ARID2: variants seen among roughly 807,000 people sequenced by gnomAD.
The protein encoded by ARID2 is AT-rich interaction domain 2, also known as AT-rich interactive domain-containing protein 2.
A neutral mutation model predicts 184.6 loss-of-function variants in ARID2; 32 were observed. The ratio of observed to expected loss-of-function variants is 0.17; its 90% confidence interval spans 0.13 to 0.23. The LOEUF (loss-of-function observed/expected upper bound fraction) is 0.23, where lower values mean the gene tolerates loss of function less well. ARID2 is among the 10% of genes least tolerant of loss of function. The probability of loss-of-function intolerance (pLI) is 1.00; values close to 1 mark genes in which losing one functional copy is unlikely to be tolerated. For missense variants in ARID2, 1,696 were observed against 2,197.6 expected, an observed-to-expected ratio of 0.77 and a Z score of 4.56; for synonymous variants, 836 against 772.6, an observed-to-expected ratio of 1.08 and a Z score of -1.36.
At chr12:45,857,196 C>T (rs1416700738) in intron 15 of ARID2, among the ~76,000 whole-genome samples, 3 of 152,066 alleles carry the variant, frequency 2.0e-5, no homozygotes, top group Non-Finnish European at 4.4e-5. Flanking sequence ...AGATATTTAA[C>T]ATATGCCTCG....
At chr12:45,799,854 T>C (rs957691290) in intron 3 of ARID2, among the ~76,000 whole-genome samples, 2 of 152,012 alleles carry the variant, frequency 1.3e-5, no homozygotes, top group African/African-American at 4.8e-5. Context: ...TTTTATTTTC[T>C]TTTTTTTCCC....
chr12:45,775,727 A>G (rs1291008013), intron 3 of ARID2, among the ~76,000 whole-genome samples: 2 of 152,236 alleles, frequency 1.3e-5, no homozygotes, highest in Non-Finnish European at 2.9e-5. Flanking sequence ...ATAAAGGCAT[A>G]CTGTGTTAAT....
rs764184768 is a variant in ARID2 at position 45,852,356 on chromosome 12, A to G, written c.4233A>G (p.Gln1411=). ...AGCAAGATACTGCCAAAGGTGATCA[A>G]CTAGAAAGAATTTCTAATGGACCTG... ...ITQQDTAKGD[Q]LERISNGPVL... The change falls in exon 15 of 21, where the codon CAA becomes CAG. Residue 1411 remains glutamine, a synonymous_variant. Transcript: ENST00000334344. The G allele has an allele frequency of 1.9e-6, 3 of 1,614,204 alleles. No homozygotes were observed. Among genetic ancestry groups the G allele is most frequent in the East Asian group, 2.2e-5 (1 of 44,878 alleles).
At chr12:45,820,852 G>A (rs1406953279) in intron 5 of ARID2, among the ~76,000 whole-genome samples, 3 of 152,116 alleles carry the variant, frequency 2.0e-5, no homozygotes, top group South Asian at 2.1e-4. Context: ...AGAAGCTTAC[G>A]AAAACAGATG....
intron 16 of ARID2, among the ~76,000 whole-genome samples, chr12:45,871,934 T>C (rs943516590): frequency 6.6e-6 from 1 of 152,194 alleles, no homozygotes; most frequent in African/African-American, 2.4e-5. Flanking sequence ...ATCCTTTTAA[T>C]GTCCATGGGA....
chr12:45,840,650 C>G (rs1186356030), intron 11 of ARID2: 1 of 152,150 alleles, frequency 6.6e-6, no homozygotes, highest in Non-Finnish European at 1.5e-5. Flanking sequence ...GTTGAGTCTT[C>G]CTAAATACCT....
At chr12:45,839,107 G>A (rs557236077) in intron 10 of ARID2, among the ~76,000 whole-genome samples, 10 of 151,362 alleles carry the variant, frequency 6.6e-5, no homozygotes, top group African/African-American at 1.5e-4. Context: ...CTCATGATCC[G>A]CCCGCCTCCG....
At position 45,900,091 on chromosome 12, in the gene ARID2, C is replaced by T. The variant is rs138251624; in HGVS notation, c.5364-4843C>T. On this transcript the variant is annotated intron_variant, in intron 20 of 20. Coordinates refer to ENST00000334344, the MANE Select transcript of ARID2 (RefSeq NM_152641.4). ...ATTTTTATTTTTTGAGACAGAGTCTCGCTCTGTCACCCAGACTGGAGTTCC... is the reference window on the plus strand; with the variant it reads ...ATTTTTATTTTTTGAGACAGAGTCTTGCTCTGTCACCCAGACTGGAGTTCC... Among the ~76,000 whole-genome samples, 1,298 of 152,080 alleles carry T rather than the reference C, an allele frequency of 8.5e-3. 16 individuals are homozygous for T. The highest frequency in any genetic ancestry group is 0.028 in the African/African-American group (1,167 of 41,472).
rs2138170584 is a variant in ARID2, at chr12:45,851,391, G to A, written c.3268G>A (p.Ala1090Thr). 1.2e-6 allele frequency: 2 copies of A among 1,614,078 alleles called. No homozygotes were observed. Among genetic ancestry groups the A allele is most frequent in the Non-Finnish European group, 1.7e-6 (2 of 1,179,996 alleles). Reference protein sequence around the residue: ...PAPQIPPPNNARAPSPQVVYQ... With the variant: ...PAPQIPPPNNTRAPSPQVVYQ... ...TCCACAGATTCCTCCCCCTAATAAT[G>A]CAAGAGCTCCTAGCCCTCAGGTGGT... The change falls in exon 15 of 21, where the codon GCA (alanine) becomes ACA (threonine). Residue 1090 changes from alanine to threonine, a missense_variant. Transcript: ENST00000334344.
chr12:45,847,636 C>T (rs970190115), intron 12 of ARID2, among the ~76,000 whole-genome samples: 16 of 152,128 alleles, frequency 1.1e-4, no homozygotes, highest in African/African-American at 3.4e-4. Context: ...TGATATATCA[C>T]TTTAAAAATT....
chr12:45,873,633 T>C (rs542386234), intron 16 of ARID2, among the ~76,000 whole-genome samples: 23 of 152,320 alleles, frequency 1.5e-4, no homozygotes, highest in African/African-American at 5.3e-4. Flanking sequence ...AAGGCAAATA[T>C]CACAATAAAG....
intron 3 of ARID2, among the ~76,000 whole-genome samples, chr12:45,763,681 G>A (rs1592061349): frequency 2.0e-5 from 3 of 152,114 alleles, no homozygotes; most frequent in Middle Eastern, 6.8e-3. Context: ...TGTAGACACA[G>A]GGCTTTTCTG....
chr12:45,774,667 T>C (rs1262173651), intron 3 of ARID2, among the ~76,000 whole-genome samples: 2 of 152,146 alleles, frequency 1.3e-5, no homozygotes, highest in Non-Finnish European at 2.9e-5. Context: ...CTCCAAAGTT[T>C]CTAAACGTTT....
chr12:45,746,911 C>T (rs946377587), intron 3 of ARID2, among the ~76,000 whole-genome samples: 20 of 152,134 alleles, frequency 1.3e-4, no homozygotes, highest in African/African-American at 3.9e-4. Context: ...GGACTACAGG[C>T]GCTCGCCACC....
At chr12:45,868,629 T>C (rs955639019) in intron 16 of ARID2, among the ~76,000 whole-genome samples, 6 of 152,244 alleles carry the variant, frequency 3.9e-5, no homozygotes, top group African/African-American at 1.4e-4. Flanking sequence ...ATTTTTACTT[T>C]TTGATTAATT....
chr12:45,846,745 C>T (rs1391453353), intron 11 of ARID2, 111 bp from the exon 12 acceptor site: 4 of 890,424 alleles, frequency 4.5e-6, no homozygotes, highest in South Asian at 3.3e-5. Flanking sequence ...GTTTATACAC[C>T]TTTTAAAAAG....
chr12:45,782,418 G>A (rs891623867), intron 3 of ARID2, among the ~76,000 whole-genome samples: 3 of 152,106 alleles, frequency 2.0e-5, no homozygotes, highest in African/African-American at 7.2e-5. Context: ...GATCACCTGA[G>A]GTGAGGAGTT....
At position 45,811,460 on chromosome 12, in the gene ARID2, T is replaced by C; in HGVS notation, c.327T>C (p.Asp109=). 1.4e-5 allele frequency: 22 copies of C among 1,613,532 alleles called. No homozygotes were observed. The highest frequency in any genetic ancestry group is 1.9e-5 in the Non-Finnish European group (22 of 1,179,596). ...KYEKVHHFGE[D]DDEVPPGNPK... is the part of the protein sequence containing the mutation. ...AGAAAGTTCATCATTTTGGGGAGGA[T>C]GATGATGAGGTACCACCAGGCAATC... The change falls in exon 4 of 21, where the codon GAT becomes GAC. Residue 109 remains aspartate, a synonymous_variant. Coordinates refer to ENST00000334344, the MANE Select transcript of ARID2 (RefSeq NM_152641.4).
intron 16 of ARID2, among the ~76,000 whole-genome samples, chr12:45,876,986 G>T (rs945707545): frequency 9.2e-5 from 14 of 151,512 alleles, no homozygotes; most frequent in African/African-American, 3.4e-4. Context: ...CAGCTCCTTG[G>T]GAGGGTGAGG....
Sources: gnomAD v4.1 joint callset for allele counts (sites outside exome capture counted in the v4.1 genomes callset) on GRCh38, gnomAD v4.1.1 for gene constraint, MANE v1.5 for transcripts, NCBI Gene and HGNC (gene_info 2026-07-23, HGNC 2026-07-21) for gene names.